DPP6: variants seen among roughly 807,000 people sequenced by gnomAD.
The protein encoded by DPP6 is A-type potassium channel modulatory protein DPP6.
DPP6 carries 69 observed loss-of-function variants against 122.6 expected under a neutral mutation model. The ratio of observed to expected loss-of-function variants is 0.56; its 90% CI spans 0.46 to 0.69. DPP6 has a LOEUF of 0.69. Among genes scored for constraint, DPP6 ranks in the 30% least tolerant of loss-of-function variants. DPP6 has a pLI of 0.00. For missense variants in DPP6, 928 were observed against 1,116.9 expected (o/e 0.83, Z 2.41); for synonymous variants, 418 against 433.1 (o/e 0.97, Z 0.43).
At chr7:153,880,485 T>A in the DPP6 span, among the ~76,000 whole-genome samples, 1 of 152,238 alleles carries the variant, frequency 6.6e-6, no homozygotes, top group East Asian at 1.9e-4. Flanking sequence ...AGATAGTATT[T>A]AATACCAACA....
chr7:154,656,666 G>T (rs546573654), intron 6 of DPP6, among the ~76,000 whole-genome samples: 83 of 152,224 alleles, frequency 5.5e-4, no homozygotes, highest in South Asian at 4.4e-3. Flanking sequence ...GACCAAGACC[G>T]GTAGGCGTTG....
At chr7:153,922,102 C>T (rs79361177) in intron 1 of DPP6, among the ~76,000 whole-genome samples, 5,207 of 152,270 alleles carry the variant, frequency 0.034, 111 homozygotes, top group African/African-American at 0.06. Flanking sequence ...GGTAAGGACA[C>T]GGTGTGTAGA....
chr7:154,888,649 T>A lies in DPP6; in HGVS notation c.2305-623T>A, dbSNP rs902397029. ...AAGGCTACCTGGAGTTGGAGGAAAC[T>A]CTTCCTTTTTCCCTTCTTCTCTTCC... On this transcript the variant is annotated intron_variant, in intron 23 of 25. Transcript: ENST00000377770. Among the ~76,000 whole-genome samples, 3 of 152,328 alleles carry A rather than the reference T, an allele frequency of 2.0e-5. No individual in the cohort carries two copies. The East Asian group carries it at 5.8e-4, about 29-fold the overall frequency.
At chr7:154,783,028 C>G (rs1797122289) in intron 10 of DPP6, among the ~76,000 whole-genome samples, 1 of 152,162 alleles carries the variant, frequency 6.6e-6, no homozygotes, top group Admixed American at 6.6e-5. Flanking sequence ...AGGTGATCCA[C>G]CCACCTCGGC....
intron 1 of DPP6, among the ~76,000 whole-genome samples, chr7:154,019,061 A>G (rs915389143): frequency 4.9e-4 from 74 of 152,218 alleles, no homozygotes; most frequent in Non-Finnish European, 9.4e-4. Flanking sequence ...TTAAACCTCC[A>G]TCATGTTTGC....
At chr7:154,202,497 C>T (rs943757468) in intron 1 of DPP6, among the ~76,000 whole-genome samples, 9 of 152,194 alleles carry the variant, frequency 5.9e-5, no homozygotes, top group Non-Finnish European at 8.8e-5. Context: ...CAATTTCCTA[C>T]GGCTCTGCAC....
rs1236675296 is a variant in DPP6 at position 154,875,661 on chromosome 7, G to T, written c.1884-245G>T. 6.6e-6 allele frequency among the ~76,000 whole-genome samples: 1 copy of T among 152,160 alleles called. No homozygotes were observed. Among genetic ancestry groups the T allele is most frequent in the East Asian group, 1.9e-4 (1 of 5,186 alleles). ...TTGGTGGCCGTCCCAGACAGCGCCG[G>T]TGTGTGTAGGGATGGCCCTGGGTGT... On this transcript the variant is annotated intron_variant, in intron 19 of 25. Transcript: ENST00000377770. The surrounding 1 kb of genome is among the most constrained non-coding windows in gnomAD (Gnocchi z 4.5).
At chr7:154,162,992 G>A (rs1444675525) in intron 1 of DPP6, among the ~76,000 whole-genome samples, 2 of 151,402 alleles carry the variant, frequency 1.3e-5, no homozygotes, top group South Asian at 2.1e-4. Flanking sequence ...CTAGGGTCGA[G>A]TGGAAGTCTA....
intron 1 of DPP6, among the ~76,000 whole-genome samples, chr7:154,393,741 A>G (rs1023010401): frequency 1.3e-5 from 2 of 152,104 alleles, no homozygotes; most frequent in African/African-American, 4.8e-5. Context: ...ACCACCATCT[A>G]TCTCTGCAAC....
intron 3 of DPP6, among the ~76,000 whole-genome samples, chr7:154,530,411 T>G (rs975532181): frequency 6.6e-6 from 1 of 152,014 alleles, no homozygotes; most frequent in African/African-American, 2.4e-5. Context: ...ATCACATCAT[T>G]AGAGGAATGC....
At chr7:154,480,599 T>C (rs1235772890) in intron 3 of DPP6, among the ~76,000 whole-genome samples, 1 of 152,180 alleles carries the variant, frequency 6.6e-6, no homozygotes, top group Non-Finnish European at 1.5e-5. Context: ...ACTCAGGACT[T>C]GTTCCTCTCC....
chr7:154,024,506 T>C (rs1056078609), intron 1 of DPP6, among the ~76,000 whole-genome samples: 1 of 151,970 alleles, frequency 6.6e-6, no homozygotes, highest in African/African-American at 2.4e-5. Flanking sequence ...CCAAGCTAAC[T>C]AGATCTAGAA....
At chr7:154,609,821 C>A (rs1427446083) in intron 5 of DPP6, among the ~76,000 whole-genome samples, 3 of 146,162 alleles carry the variant, frequency 2.1e-5, no homozygotes, top group African/African-American at 7.4e-5. Context: ...ATAGAATTTC[C>A]AGTTAATGTA....
chr7:154,605,466 A>G (rs1833557860), intron 5 of DPP6, among the ~76,000 whole-genome samples: 1 of 119,772 alleles, frequency 8.3e-6, no homozygotes, highest in Non-Finnish European at 1.9e-5. Flanking sequence ...CAATTCTAAG[A>G]TTTGTTTAGA....
In DPP6 at chr7:154,268,645, A is replaced by G. The variant is rs141676744; in HGVS notation, c.244-177569A>G. Among the ~76,000 whole-genome samples the G allele has an allele frequency of 6.0e-3, 912 of 152,266 alleles. 17 individuals carry two copies. The highest frequency in any genetic ancestry group is 0.02 in the African/African-American group (831 of 41,564). ...CCTACAATCAAGTTCTAAATTGTGT[A>G]GTTCAAACTAGGAGAACTGTGAGGA... On this transcript the variant is annotated intron_variant, in intron 1 of 25. Coordinates refer to ENST00000377770, the MANE Select transcript of DPP6 (RefSeq NM_130797.4).
At chr7:154,026,957 A>G (rs552481442) in intron 1 of DPP6, 1 of 148,174 alleles carries the variant, frequency 6.7e-6, no homozygotes, top group Non-Finnish European at 1.5e-5. Context: ...AAATGAATAT[A>G]AAATCAGAAT....
chr7:154,052,502 C>T lies in DPP6; in HGVS notation c.-319C>T, dbSNP rs1800423122. On this transcript the variant is annotated 5_prime_UTR_variant, in exon 1 of 26. Coordinates refer to ENST00000377770, the MANE Select transcript of DPP6 (RefSeq NM_130797.4). The surrounding 1 kb of genome is among the most constrained non-coding windows in gnomAD (Gnocchi z 4.8). ...CTTCCTTCAATCTCTTTGATTAGGC[C>T]GTACGTGGCTGTGGCAAGGAGTTGG... 2 of 467,496 alleles carry T rather than the reference C, an allele frequency of 4.3e-6. No individual in the cohort carries two copies. Among genetic ancestry groups the T allele is most frequent in the South Asian group, 5.1e-5 (1 of 19,672 alleles). The allele number at this position is 467,496 out of a possible 1,614,324, so 29.0% of individuals were successfully genotyped here. A position where few individuals can be genotyped will look rare whatever the true frequency, so the allele number is the denominator to read the frequency against.
At chr7:154,491,506 G>A (rs1166695811) in intron 3 of DPP6, among the ~76,000 whole-genome samples, 3 of 151,966 alleles carry the variant, frequency 2.0e-5, no homozygotes, top group Admixed American at 6.6e-5. Context: ...CCCATCCCCC[G>A]CCCCTTGTTC....
intron 17 of DPP6, among the ~76,000 whole-genome samples, chr7:154,862,216 G>T (rs908235606): frequency 6.6e-6 from 1 of 152,182 alleles, no homozygotes; most frequent in Admixed American, 6.5e-5. Flanking sequence ...TTGCCCTCGT[G>T]ACGCCTGTGT....
Sources: allele counts gnomAD v4.1 joint callset (sites outside exome capture counted in the v4.1 genomes callset), GRCh38; gene constraint gnomAD v4.1.1; non-coding constraint Gnocchi (gnomAD v3.1); transcripts MANE v1.5; gene names NCBI Gene and HGNC (gene_info 2026-07-23, HGNC 2026-07-21).